TANK: variants seen among roughly 807,000 people sequenced by gnomAD.
TANK encodes the protein TRAF family member associated NFKB activator.
A neutral mutation model predicts 43.6 loss-of-function variants in TANK; 15 were observed. The observed-to-expected ratio is 0.34, with a 90% confidence interval of 0.23 to 0.53. The LOEUF is 0.53. Among genes scored for constraint, TANK ranks in the 20% least tolerant of loss-of-function variants. The pLI, the probability that TANK is intolerant of heterozygous loss-of-function variation, is 0.94. For missense variants in TANK, 417 were observed against 498.6 expected, an observed-to-expected ratio of 0.84 and a Z score of 1.56; for synonymous variants, 162 against 178.2, an observed-to-expected ratio of 0.91 and a Z score of 0.73.
intron 4 of TANK, chr2:161,211,953 C>T: frequency 1.0e-6 from 1 of 966,368 alleles, no homozygotes; most frequent in Middle Eastern, 5.4e-4. Flanking sequence ...TGGAGACTAG[C>T]CTTTTTTATA....
intron 3 of TANK, among the ~76,000 whole-genome samples, chr2:161,204,132 GT>G (rs1221609476): frequency 2.0e-5 from 3 of 147,602 alleles, no homozygotes; most frequent in Admixed American, 6.6e-5. Flanking sequence ...ATAAATAAGT[GT>G]TTTTTTCATT....
intron 7 of TANK, among the ~76,000 whole-genome samples, chr2:161,234,503 T>G (rs1559014484): frequency 6.6e-6 from 1 of 152,224 alleles, no homozygotes; most frequent in Non-Finnish European, 1.5e-5. Flanking sequence ...AGCTAAATGC[T>G]ATTTCTTGTC....
intron 4 of TANK, among the ~76,000 whole-genome samples, chr2:161,211,114 A>G (rs1179054412): frequency 1.3e-5 from 2 of 152,206 alleles, no homozygotes; most frequent in Admixed American, 6.5e-5. Flanking sequence ...TTTATTCTAT[A>G]GACAGTCCTT....
chr2:161,216,706 G>T (rs1687134588), intron 4 of TANK, among the ~76,000 whole-genome samples: 1 of 151,914 alleles, frequency 6.6e-6, no homozygotes. Flanking sequence ...GATGCTAACA[G>T]AAAAGAAGAC....
chr2:161,223,835 T>C, intron 4 of TANK, 80 bp from the exon 5 acceptor site: 1 of 915,152 alleles, frequency 1.1e-6, no homozygotes, highest in Non-Finnish European at 1.7e-6. Context: ...AAAATTTCCT[T>C]TGTGTTTTCT....
At chr2:161,158,706 A>G (rs1345390733), upstream of TANK, among the ~76,000 whole-genome samples, 1 of 152,274 alleles carries the variant, frequency 6.6e-6, no homozygotes, top group Non-Finnish European at 1.5e-5. Context: ...AATAAACTGG[A>G]CTTCATCAAA....
chr2:161,189,774 A>G (rs907417427), intron 2 of TANK, among the ~76,000 whole-genome samples: 1 of 152,224 alleles, frequency 6.6e-6, no homozygotes, highest in African/African-American at 2.4e-5. Flanking sequence ...AGACACAAAT[A>G]TATGGAAAGA....
At position 161,222,506 on chromosome 2, in the gene TANK, G is replaced by A. The variant is rs550132925; in HGVS notation, c.328-1409G>A. On this transcript the variant is annotated intron_variant, in intron 4 of 7. Coordinates refer to ENST00000392749, the MANE Select transcript of TANK (RefSeq NM_001199135.3). Reference sequence around the variant, plus strand: ...GTATTTGTAGTGTTCTGACTGGCTGGCTAGCTTTAAAATGTTGCCTTTCTT... The same window carrying A: ...GTATTTGTAGTGTTCTGACTGGCTGACTAGCTTTAAAATGTTGCCTTTCTT... Among the ~76,000 whole-genome samples, 40 of 152,022 alleles carry A rather than the reference G, an allele frequency of 2.6e-4. No individual in the cohort carries two copies. The South Asian group carries it at 7.5e-3, about 28-fold the overall frequency.
chr2:161,221,096 T>G (rs1348313068), intron 4 of TANK, among the ~76,000 whole-genome samples: 1 of 152,212 alleles, frequency 6.6e-6, no homozygotes, highest in Non-Finnish European at 1.5e-5. Context: ...TGTGTTTATC[T>G]TAATGGATTT....
chr2:161,161,397 C>A, intron 1 of TANK: 1 of 1,550,796 alleles, frequency 6.4e-7, no homozygotes, highest in Non-Finnish European at 8.7e-7. Flanking sequence ...GGTTGGAATA[C>A]ACACCCAAAC....
At chr2:161,189,997 T>C (rs948970160) in intron 2 of TANK, among the ~76,000 whole-genome samples, 5 of 152,116 alleles carry the variant, frequency 3.3e-5, no homozygotes, top group African/African-American at 1.2e-4. Flanking sequence ...TTCGTCAAAA[T>C]TAAAACTTTT....
upstream of TANK, chr2:161,160,371 T>G: frequency 8.4e-7 from 1 of 1,194,126 alleles, no homozygotes; most frequent in Admixed American, 4.2e-5. Context: ...AGTTAATGGC[T>G]CCGCGCGCAG....
At chr2:161,143,032 C>T (rs1683797371) in intron 1 of TANK, among the ~76,000 whole-genome samples, 1 of 152,062 alleles carries the variant, frequency 6.6e-6, no homozygotes, top group South Asian at 2.1e-4. Context: ...TGAAGAGGTC[C>T]TTCACATCCC....
chr2:161,160,831 T>C (rs945332982), intron 1 of TANK: 3 of 531,506 alleles, frequency 5.6e-6, no homozygotes, highest in East Asian at 5.0e-5. Context: ...AGGTGAGCAG[T>C]GGACCCTCCA....
chr2:161,181,548 C>T (rs1685425634), intron 2 of TANK, among the ~76,000 whole-genome samples: 1 of 152,118 alleles, frequency 6.6e-6, no homozygotes, highest in African/African-American at 2.4e-5. Flanking sequence ...AGGAAACTTA[C>T]AATCATGGCA....
chr2:161,225,312 T>G (rs1304004595), intron 6 of TANK, among the ~76,000 whole-genome samples: 1 of 152,114 alleles, frequency 6.6e-6, no homozygotes, highest in Non-Finnish European at 1.5e-5. Context: ...GATGGTGCAC[T>G]ACAGCCTTGA....
At chr2:161,171,836 G>A (rs974450535) in intron 1 of TANK, among the ~76,000 whole-genome samples, 2 of 152,132 alleles carry the variant, frequency 1.3e-5, no homozygotes, top group African/African-American at 4.8e-5. Context: ...TATGAATCTT[G>A]TGTAGCCTGT....
intron 2 of TANK, chr2:161,201,294 T>C (rs192641800): frequency 1.1e-6 from 1 of 907,852 alleles, no homozygotes; most frequent in Admixed American, 6.2e-5. Flanking sequence ...CAGGATTATT[T>C]ATTTATTGTA....
chr2:161,155,890 AGT>A, upstream of TANK: 1 of 249,742 alleles, frequency 4.0e-6, no homozygotes, highest in Non-Finnish European at 6.4e-6. Flanking sequence ...AAGGTAGGAC[AGT>A]GTCTTAGTGA....
Sources: gnomAD v4.1 joint callset for allele counts (sites outside exome capture counted in the v4.1 genomes callset) on GRCh38, gnomAD v4.1.1 for gene constraint, MANE v1.5 for transcripts, NCBI Gene and HGNC (gene_info 2026-07-23, HGNC 2026-07-21) for gene names.